PPP1R12B: variants seen among roughly 807,000 people sequenced by gnomAD.
The protein encoded by PPP1R12B is myosin phosphatase target subunit 2.
A neutral mutation model predicts 126.1 loss-of-function variants in PPP1R12B; 76 were observed. That is an observed-to-expected ratio of 0.60 (90% confidence interval 0.50 to 0.73). The LOEUF (loss-of-function observed/expected upper bound fraction) is 0.73, where lower values mean the gene tolerates loss of function less well. Among genes scored for constraint, PPP1R12B ranks in the 30% least tolerant of loss-of-function variants. PPP1R12B has a pLI of 0.00. For synonymous variants in PPP1R12B, 356 were observed against 434.7 expected (o/e 0.82, Z 2.25); for missense variants, 1,052 against 1,205.1 (o/e 0.87, Z 1.88).
chr1:202,369,668 G>A (rs1375540405), intron 1 of PPP1R12B: 5 of 190,514 alleles, frequency 2.6e-5, no homozygotes, highest in African/African-American at 1.2e-4. Context: ...CTCTCCTCAG[G>A]TGATGCCTTT....
chr1:202,451,064 A>G (rs1207318639), intron 13 of PPP1R12B, among the ~76,000 whole-genome samples: 4 of 148,344 alleles, frequency 2.7e-5, no homozygotes, highest in Admixed American at 2.0e-4. Flanking sequence ...CATTGTAAAG[A>G]TCTTTTAGTT....
intron 13 of PPP1R12B, among the ~76,000 whole-genome samples, chr1:202,479,523 G>T (rs555820279): frequency 6.6e-6 from 1 of 152,168 alleles, no homozygotes; most frequent in Non-Finnish European, 1.5e-5. Flanking sequence ...CAAGATTTTC[G>T]TAGTCTCATG....
At chr1:202,552,973 T>C (rs1338511638) in intron 18 of PPP1R12B, among the ~76,000 whole-genome samples, 1 of 152,196 alleles carries the variant, frequency 6.6e-6, no homozygotes, top group Admixed American at 6.5e-5. Context: ...CTCTGGTGTT[T>C]TGAGGGCCCT....
At position 202,539,093 on chromosome 1, in the gene PPP1R12B, G is replaced by T. The variant is rs1460670117; in HGVS notation, c.2491-19784G>T. On this transcript the variant is annotated intron_variant, in intron 18 of 23. Coordinates refer to ENST00000608999, the MANE Select transcript of PPP1R12B (RefSeq NM_002481.4). ...CATCTCATTAAAATTGAACATTAAG[G>T]GCCTGAAGGTGCTTTGACTAATTTT... Among the ~76,000 whole-genome samples the T allele has an allele frequency of 3.3e-5, 5 of 152,218 alleles. No individual in the cohort carries two copies. The South Asian group carries it at 6.2e-4, about 19-fold the overall frequency.
chr1:202,437,985 A>G lies in PPP1R12B; in HGVS notation c.1419A>G (p.Ser473=). The part of the protein sequence containing the change: ...DRGSSIYRSS[S]SPRISALLDN... ...GCTCTTCCATCTATCGCTCCTCTTC[A>G]AGCCCTCGGATTTCTGCTCTACTGG... Residue 473 remains serine (S), a synonymous_variant, in exon 10 of 24, where the codon TCA becomes TCG. Transcript: ENST00000608999. 6.2e-7 allele frequency: 1 copy of G among 1,614,102 alleles called. No individual in the cohort carries two copies. Among genetic ancestry groups the G allele is most frequent in the Non-Finnish European group, 8.5e-7 (1 of 1,180,016 alleles).
At chr1:202,431,680 T>C in intron 8 of PPP1R12B, 61 bp downstream of exon 8, 1 of 1,486,218 alleles carries the variant, frequency 6.7e-7, no homozygotes, top group South Asian at 1.4e-5. Context: ...AGATTACTCC[T>C]TGTCAGAGAG....
At chr1:202,548,937 G>A (rs1288152901) in intron 18 of PPP1R12B, among the ~76,000 whole-genome samples, 3 of 151,528 alleles carry the variant, frequency 2.0e-5, no homozygotes, top group Non-Finnish European at 2.9e-5. Flanking sequence ...TTTCTCATCT[G>A]AGGAGACCCT....
chr1:202,439,786 C>G (rs1371830958), intron 10 of PPP1R12B: 118 of 465,682 alleles, frequency 2.5e-4, no homozygotes, highest in African/African-American at 1.9e-3. Context: ...TTCAGACCCA[C>G]TTTCCTCCCC....
At chr1:202,518,330 C>G (rs779716753) in intron 18 of PPP1R12B, among the ~76,000 whole-genome samples, 31 of 152,264 alleles carry the variant, frequency 2.0e-4, no homozygotes, top group Non-Finnish European at 3.7e-4. Flanking sequence ...TTGGAAACAG[C>G]CTACTGTCCA....
chr1:202,576,928 G>A (rs1434788644), intron 23 of PPP1R12B: 1 of 152,098 alleles, frequency 6.6e-6, no homozygotes, highest in African/African-American at 2.4e-5. Flanking sequence ...GTTCCAGAGT[G>A]CAAACTTTTC....
intron 18 of PPP1R12B, among the ~76,000 whole-genome samples, chr1:202,497,219 G>T (rs1679669378): frequency 6.6e-6 from 1 of 152,196 alleles, no homozygotes; most frequent in African/African-American, 2.4e-5. Flanking sequence ...TAAAACATCA[G>T]ACAGTCCCCA....
chr1:202,532,860 CTTTTTTTTTTTT>C (rs375983770), intron 18 of PPP1R12B, among the ~76,000 whole-genome samples: 2 of 93,814 alleles, frequency 2.1e-5, no homozygotes, highest in East Asian at 6.2e-4. Context: ...ATCACATTCA[CTTTTTTTTTTTT>C]TTTTTTTTTT....
At chr1:202,443,616 TAC>T (rs1671894144) in intron 12 of PPP1R12B, among the ~76,000 whole-genome samples, 1 of 152,276 alleles carries the variant, frequency 6.6e-6, no homozygotes, top group Admixed American at 6.5e-5. Context: ...GATGCTTTAT[TAC>T]ACAAAAGAGG....
chr1:202,443,151 C>G (rs554150302), intron 12 of PPP1R12B: 2 of 968,732 alleles, frequency 2.1e-6, no homozygotes, highest in African/African-American at 1.8e-5. Context: ...CTTCTTTTCT[C>G]ATCTGTATTC....
chr1:202,457,899 G>A (rs1236168624), intron 13 of PPP1R12B, among the ~76,000 whole-genome samples: 1 of 151,982 alleles, frequency 6.6e-6, no homozygotes, highest in South Asian at 2.1e-4. Context: ...GGCCAGGCTA[G>A]CATATCTGAA....
intron 19 of PPP1R12B, among the ~76,000 whole-genome samples, chr1:202,560,351 G>A (rs1183013027): frequency 6.6e-6 from 1 of 152,172 alleles, no homozygotes; most frequent in Non-Finnish European, 1.5e-5. Context: ...AAGTTTATTA[G>A]GAAAGTAAAG....
At chr1:202,378,884 T>C (rs985101999) in intron 1 of PPP1R12B, among the ~76,000 whole-genome samples, 5 of 152,158 alleles carry the variant, frequency 3.3e-5, no homozygotes, top group African/African-American at 7.2e-5. Flanking sequence ...ATGCTTTTTT[T>C]CCCCTCAGAT....
chr1:202,448,802 A>G (rs1672572962), intron 12 of PPP1R12B, among the ~76,000 whole-genome samples, 187 bp from the exon 13 acceptor site: 1 of 152,186 alleles, frequency 6.6e-6, no homozygotes, highest in Admixed American at 6.5e-5. Context: ...CAGGCAAAGG[A>G]TGTCAGACTA....
At chr1:202,445,333 T>C (rs1488372537) in intron 12 of PPP1R12B, 11 of 973,130 alleles carry the variant, frequency 1.1e-5, no homozygotes, top group Middle Eastern at 3.7e-4. Flanking sequence ...AAAAACAAGT[T>C]AGAACTCCTG....
Sources: gnomAD v4.1 joint callset for allele counts (sites outside exome capture counted in the v4.1 genomes callset) on GRCh38, gnomAD v4.1.1 for gene constraint, MANE v1.5 for transcripts, NCBI Gene and HGNC (gene_info 2026-07-23, HGNC 2026-07-21) for gene names.